ACSBG2: variants seen among roughly 807,000 people sequenced by gnomAD.
ACSBG2 encodes the protein acyl-CoA synthetase bubblegum family member 2, also known as long-chain-fatty-acid--CoA ligase ACSBG2.
Under a neutral mutation model 74.7 loss-of-function variants are expected in ACSBG2, and 62 were observed. The observed-to-expected ratio is 0.83, with a 90% CI of 0.68 to 1.03. The LOEUF (loss-of-function observed/expected upper bound fraction) is 1.03. Ranked by LOEUF, ACSBG2 falls within the 50% of genes least tolerant of loss-of-function variation. The probability of loss-of-function intolerance (pLI) is 0.00; values close to 1 mark genes in which losing one functional copy is unlikely to be tolerated. For missense variants in ACSBG2, 730 were observed against 817.6 expected (o/e 0.89, Z 1.31); for synonymous variants, 309 against 294.1 (o/e 1.05, Z -0.52).
At chr19:6,165,749 T>G in intron 6 of ACSBG2, 117 bp from the exon 7 acceptor site, 1 of 1,301,320 alleles carries the variant, frequency 7.7e-7, no homozygotes, top group Non-Finnish European at 1.1e-6. Context: ...TGGCACATCC[T>G]AAGCCCTTCC....
rs144973136 is a variant in ACSBG2, at chr19:6,152,966, G to A, written c.386+1171G>A. On this transcript the variant is annotated intron_variant, in intron 4 of 14. Transcript: ENST00000588485. ...ATGCTTAAAATTTAAATATCAGGCC[G>A]GGTGTGGTGGCTCACGCCTGTAATC... is the stretch of plus-strand genomic sequence containing the variant. 8.7e-4 allele frequency among the ~76,000 whole-genome samples: 132 copies of A among 152,276 alleles called. 1 individual carries two copies. The highest frequency in any genetic ancestry group is 1.6e-3 in the Non-Finnish European group (106 of 68,022).
intron 5 of ACSBG2, among the ~76,000 whole-genome samples, chr19:6,159,396 T>G (rs1378412665): frequency 6.6e-6 from 1 of 152,196 alleles, no homozygotes; most frequent in Non-Finnish European, 1.5e-5. Flanking sequence ...CTGGCTTAAT[T>G]TGAGTTTTCC....
At chr19:6,147,116 A>C (rs574903482) in intron 2 of ACSBG2, among the ~76,000 whole-genome samples, 1 of 152,260 alleles carries the variant, frequency 6.6e-6, no homozygotes, top group African/African-American at 2.4e-5. Context: ...AAAAGAAAGA[A>C]AGAAAAAAAA....
At chr19:6,151,526 G>C (rs2089239284) in intron 3 of ACSBG2, among the ~76,000 whole-genome samples, 181 bp from the exon 4 acceptor site, 2 of 152,012 alleles carry the variant, frequency 1.3e-5, no homozygotes. Flanking sequence ...GCCCAGGCTG[G>C]TCTCGAACTT....
chr19:6,190,820 C>CAT lies in ACSBG2; in HGVS notation c.*35+129_*35+130insTA, dbSNP rs1185406613. 6.0e-5 allele frequency: 31 copies of CAT among 513,080 alleles called. No individual in the cohort carries two copies. In the East Asian group the frequency reaches 1.1e-3, roughly 18 times the overall value. 31.8% of individuals were successfully genotyped at this position (513,080 alleles called of 1,614,324 possible). On this transcript the variant is annotated intron_variant, in intron 14 of 14. Transcript: ENST00000588485. The stretch of plus-strand genomic sequence containing the variant: ...ACACATACACACATACATACACACA[C>CAT]ACACACACACACACACACACACACA...
In ACSBG2 at chr19:6,180,421, CCT is replaced by C. The variant is rs1378869815; in HGVS notation, c.907-2326_907-2325del. Among the ~76,000 whole-genome samples the C allele has an allele frequency of 5.3e-5, 8 of 152,212 alleles. No individual in the cohort carries two copies. The highest frequency in any genetic ancestry group is 1.9e-4 in the African/African-American group (8 of 41,522). ...CTCTCTGCTAAATATTTCCTTGGCC[CCT>C]CTCAATCCCTCTCATATGCCCCATG... is the stretch of plus-strand genomic sequence containing the variant. On this transcript the variant is annotated intron_variant, in intron 8 of 14. Coordinates refer to ENST00000588485, the MANE Select transcript of ACSBG2 (RefSeq NM_030924.5). The surrounding 1 kb of genome is among the most constrained non-coding windows in gnomAD (Gnocchi z 4.3).
At chr19:6,140,658 C>A (rs1403972161) in intron 1 of ACSBG2, among the ~76,000 whole-genome samples, 2 of 152,110 alleles carry the variant, frequency 1.3e-5, no homozygotes, top group Non-Finnish European at 2.9e-5. Context: ...CCAGCCTAGG[C>A]GACAAAACCA....
intron 6 of ACSBG2, among the ~76,000 whole-genome samples, chr19:6,164,194 G>A (rs1317825817): frequency 6.6e-6 from 1 of 152,186 alleles, no homozygotes; most frequent in Non-Finnish European, 1.5e-5. Flanking sequence ...GTCATTTGTG[G>A]CTGTGGAAGC....
intron 5 of ACSBG2, among the ~76,000 whole-genome samples, chr19:6,158,919 ATTCTTTTCTTTTTTCTTT>A (rs1005161435): frequency 2.6e-5 from 4 of 151,770 alleles, no homozygotes; most frequent in Non-Finnish European, 4.4e-5. Context: ...GCTTTTAAAA[ATTCTTTTCTTTTTTCTTT>A]TTCTTTTCTT....
At chr19:6,155,551 AG>A (rs1252684751) in intron 4 of ACSBG2, among the ~76,000 whole-genome samples, 7 of 152,138 alleles carry the variant, frequency 4.6e-5, no homozygotes, top group African/African-American at 1.7e-4. Context: ...GCACTTTGGG[AG>A]GCAGGGGTGG....
intron 4 of ACSBG2, among the ~76,000 whole-genome samples, chr19:6,153,516 C>T (rs900805703): frequency 6.6e-5 from 10 of 151,854 alleles, no homozygotes; most frequent in African/African-American, 2.2e-4. Context: ...ACAGCAACGA[C>T]AGCAGCAGCA....
intron 4 of ACSBG2, among the ~76,000 whole-genome samples, chr19:6,155,142 A>G (rs1309544111): frequency 6.6e-6 from 1 of 152,216 alleles, no homozygotes; most frequent in Non-Finnish European, 1.5e-5. Flanking sequence ...AACTAGATCA[A>G]CAGAGCAGAG....
At chr19:6,175,842 T>C (rs2090074895) in intron 7 of ACSBG2, 1 of 152,492 alleles carries the variant, frequency 6.6e-6, no homozygotes, top group Non-Finnish European at 1.5e-5. Context: ...GGTAGCCTTT[T>C]TGTTTGTTTG....
chr19:6,157,016 G>A (rs1039260936), intron 5 of ACSBG2, among the ~76,000 whole-genome samples: 16 of 151,598 alleles, frequency 1.1e-4, no homozygotes, highest in African/African-American at 3.4e-4. Context: ...GGCTGAACTC[G>A]GCTCACTGCA....
At chr19:6,158,891 C>CTCCA (rs1021055468) in intron 5 of ACSBG2, among the ~76,000 whole-genome samples, 1 of 152,140 alleles carries the variant, frequency 6.6e-6, no homozygotes, top group Admixed American at 6.6e-5. Context: ...AAGGACAGAC[C>CTCCA]TCCACCTCTG....
In ACSBG2 at chr19:6,190,670, A is replaced by G; in HGVS notation, c.*13A>G. ...CATGTACCACTGACTGCTTTGATGGAGCTGCTCTCAGCTGTTCTGATGGTG... is the reference window on the plus strand; with the variant it reads ...CATGTACCACTGACTGCTTTGATGGGGCTGCTCTCAGCTGTTCTGATGGTG... On this transcript the variant is annotated 3_prime_UTR_variant, in exon 14 of 15. Coordinates refer to ENST00000588485, the MANE Select transcript of ACSBG2 (RefSeq NM_030924.5). 4 of 1,612,146 alleles carry G rather than the reference A, an allele frequency of 2.5e-6. No homozygotes were observed. Among genetic ancestry groups the G allele is most frequent in the South Asian group, 1.1e-5 (1 of 91,028 alleles).
chr19:6,139,343 G>A (rs1432051828), intron 1 of ACSBG2, among the ~76,000 whole-genome samples: 1 of 152,024 alleles, frequency 6.6e-6, no homozygotes, highest in South Asian at 2.1e-4. Flanking sequence ...TGCCAGCCTC[G>A]GCCTTCCAAA....
At chr19:6,155,789 CAAA>C (rs35539453) in intron 4 of ACSBG2, among the ~76,000 whole-genome samples, 1,246 of 123,606 alleles carry the variant, frequency 0.01, 8 homozygotes, top group Non-Finnish European at 0.013. Context: ...GACCCTGTCT[CAAA>C]AAAAAAAAAA....
chr19:6,179,753 C>T (rs973230152), intron 8 of ACSBG2, among the ~76,000 whole-genome samples: 1 of 152,132 alleles, frequency 6.6e-6, no homozygotes, highest in African/African-American at 2.4e-5. Context: ...GCCGGGATTA[C>T]AGGCGTGCAC....
Sources: gnomAD v4.1 joint callset for allele counts (sites outside exome capture counted in the v4.1 genomes callset) on GRCh38, gnomAD v4.1.1 for gene constraint, Gnocchi (gnomAD v3.1) non-coding constraint, MANE v1.5 for transcripts, NCBI Gene and HGNC (gene_info 2026-07-23, HGNC 2026-07-21) for gene names.